KCNC1: variants seen among roughly 807,000 people sequenced by gnomAD.
KCNC1 encodes potassium voltage-gated channel subfamily C member 1.
In KCNC1, 8 loss-of-function variants were observed where a neutral mutation model predicts 43.4. The observed-to-expected ratio is 0.18, with a 90% CI of 0.11 to 0.33. The LOEUF is 0.33. Among genes scored for constraint, KCNC1 ranks in the 10% least tolerant of loss-of-function variants. The pLI, the probability that KCNC1 is intolerant of heterozygous loss-of-function variation, is 1.00. For synonymous variants in KCNC1, 361 were observed against 360.5 expected, an observed-to-expected ratio of 1.00 and a Z score of -0.01; for missense variants, 420 against 836.0, an observed-to-expected ratio of 0.50 and a Z score of 6.14.
chr11:17,743,782 CT>C (rs1458460973), intron 1 of KCNC1, among the ~76,000 whole-genome samples: 1 of 152,232 alleles, frequency 6.6e-6, no homozygotes, highest in East Asian at 1.9e-4. Context: ...TTTTGGTCAT[CT>C]ATTCCCCTCA....
chr11:17,778,962 G>GAAGCC (rs1017284291), intron 2 of KCNC1, among the ~76,000 whole-genome samples: 5 of 152,020 alleles, frequency 3.3e-5, no homozygotes, highest in African/African-American at 1.2e-4. Flanking sequence ...TGGAGCTAGG[G>GAAGCC]AAGCCCGAGC....
intron 1 of KCNC1, among the ~76,000 whole-genome samples, chr11:17,768,712 AGT>A (rs942692914): frequency 6.6e-6 from 1 of 151,596 alleles, no homozygotes; most frequent in Non-Finnish European, 1.5e-5. Flanking sequence ...CCAAGTGTGC[AGT>A]GGGCCCTGCC....
Position 17,776,007 on chromosome 11 carries a change from T to C in KCNC1, c.1504+3409T>C. On this transcript the variant is annotated intron_variant, in intron 2 of 3. Coordinates refer to ENST00000265969, the MANE Select transcript of KCNC1 (RefSeq NM_001112741.2). This position sits in a 1 kb window ranked among gnomAD's most constrained non-coding sequence, Gnocchi z 4.4. ...GAGGGGGGAGGGAGCTGGGCAGCGC[T>C]GACTAGGCGGCGGGTGGGGCTAAGA... 1.0e-6 allele frequency: 1 copy of C among 985,198 alleles called. No homozygotes were observed. Among genetic ancestry groups the C allele is most frequent in the South Asian group, 4.7e-5 (1 of 21,276 alleles). 61.0% of individuals were successfully genotyped at this position (985,198 alleles called of 1,614,324 possible).
In KCNC1 at chr11:17,777,523, C is replaced by A; in HGVS notation, c.1505-1933C>A. ...AGCCCGGAGACCCTTGGATGGAAGACTGGGCCAGCCAGAGTGGGAGGCAGG... is the reference window on the plus strand; with the variant it reads ...AGCCCGGAGACCCTTGGATGGAAGAATGGGCCAGCCAGAGTGGGAGGCAGG... On this transcript the variant is annotated intron_variant, in intron 2 of 3. Coordinates refer to ENST00000265969, the MANE Select transcript of KCNC1 (RefSeq NM_001112741.2). This position sits in a 1 kb window ranked among gnomAD's most constrained non-coding sequence, Gnocchi z 4.3. The A allele has an allele frequency of 2.0e-6, 2 of 985,998 alleles. No individual in the cohort carries two copies. Among genetic ancestry groups the A allele is most frequent in the Non-Finnish European group, 2.4e-6 (2 of 830,026 alleles). 61.1% of individuals were successfully genotyped at this position (985,998 alleles called of 1,614,324 possible).
At position 17,744,781 on chromosome 11, in the gene KCNC1, A is replaced by G. The variant is rs187861862; in HGVS notation, c.570+8209A>G. Reference sequence around the variant, plus strand: ...GGTAGGGGTGTTTGCGATGGCTGCTATGGGGGATGGAGGGGTGGCTGCTGG... The same window carrying G: ...GGTAGGGGTGTTTGCGATGGCTGCTGTGGGGGATGGAGGGGTGGCTGCTGG... On this transcript the variant is annotated intron_variant, in intron 1 of 3. Coordinates refer to ENST00000265969, the MANE Select transcript of KCNC1 (RefSeq NM_001112741.2). 2.7e-3 allele frequency among the ~76,000 whole-genome samples: 406 copies of G among 151,932 alleles called. 4 individuals are homozygous for G. The highest frequency in any genetic ancestry group is 9.2e-3 in the African/African-American group (382 of 41,424).
rs1213179564 is a variant in KCNC1, at chr11:17,779,250, T to C, written c.1505-206T>C. 1 of 527,072 alleles carries C rather than the reference T, an allele frequency of 1.9e-6. No homozygotes were observed. The highest frequency in any genetic ancestry group is 1.9e-5 in the African/African-American group (1 of 52,040). The allele number at this position is 527,072 out of a possible 1,614,324, so 32.6% of individuals were successfully genotyped here. On this transcript the variant is annotated intron_variant, in intron 2 of 3. Coordinates refer to ENST00000265969, the MANE Select transcript of KCNC1 (RefSeq NM_001112741.2). The surrounding 1 kb of genome is among the most constrained non-coding windows in gnomAD (Gnocchi z 7.2). ...CCAGGAGTCCCCACTCCCAGCACTGTGGGCAGCCCGAAGGCTGCCTGAATG... is the reference window on the plus strand; with the variant it reads ...CCAGGAGTCCCCACTCCCAGCACTGCGGGCAGCCCGAAGGCTGCCTGAATG...
At chr11:17,743,002 T>C (rs1195081172) in intron 1 of KCNC1, among the ~76,000 whole-genome samples, 2 of 152,214 alleles carry the variant, frequency 1.3e-5, no homozygotes, top group African/African-American at 4.8e-5. Flanking sequence ...CAACCCAGAC[T>C]TGACCCAAAT....
intron 1 of KCNC1, among the ~76,000 whole-genome samples, chr11:17,765,234 C>T (rs559268685): frequency 1.4e-4 from 21 of 152,354 alleles, no homozygotes; most frequent in African/African-American, 3.6e-4. Context: ...TTACAGTCAT[C>T]GCCTTGTTCC....
intron 1 of KCNC1, among the ~76,000 whole-genome samples, chr11:17,754,078 G>A (rs1386533144): frequency 2.6e-5 from 4 of 152,224 alleles, no homozygotes; most frequent in Non-Finnish European, 5.9e-5. Context: ...GGGGATTCAG[G>A]CCTTTGTTCA....
At chr11:17,755,585 G>A (rs1347296370) in intron 1 of KCNC1, among the ~76,000 whole-genome samples, 1 of 152,064 alleles carries the variant, frequency 6.6e-6, no homozygotes, top group Non-Finnish European at 1.5e-5. Context: ...AATGTGAGAT[G>A]TGACAGAAAG....
At position 17,776,793 on chromosome 11, in the gene KCNC1, A is replaced by G. The variant is rs1849293463; in HGVS notation, c.1505-2663A>G. The G allele has an allele frequency of 3.9e-5, 38 of 985,230 alleles. No individual in the cohort carries two copies. Among genetic ancestry groups the G allele is most frequent in the Non-Finnish European group, 4.3e-5 (36 of 829,996 alleles). 61.0% of individuals were successfully genotyped at this position (985,230 alleles called of 1,614,324 possible). On this transcript the variant is annotated intron_variant, in intron 2 of 3. Transcript: ENST00000265969. This position sits in a 1 kb window ranked among gnomAD's most constrained non-coding sequence, Gnocchi z 4.4. ...CTATTCATGGGTTCCCCAGATTTATACAGTTGGCCCCTCGTTGGTTTCTCT... is the reference window on the plus strand; with the variant it reads ...CTATTCATGGGTTCCCCAGATTTATGCAGTTGGCCCCTCGTTGGTTTCTCT...
chr11:17,777,330 A>G lies in KCNC1; in HGVS notation c.1505-2126A>G, dbSNP rs754944290. ...CCCTGGCAGAGGATGGCCAACAGAGACTCAGCAAGTCCTCACTCCCCTCCC... is the reference window on the plus strand; with the variant it reads ...CCCTGGCAGAGGATGGCCAACAGAGGCTCAGCAAGTCCTCACTCCCCTCCC... On this transcript the variant is annotated intron_variant, in intron 2 of 3. Transcript: ENST00000265969. The surrounding 1 kb of genome is among the most constrained non-coding windows in gnomAD (Gnocchi z 4.3). 1.0e-5 allele frequency: 10 copies of G among 985,574 alleles called. No homozygotes were observed. The highest frequency in any genetic ancestry group is 1.2e-5 in the Non-Finnish European group (10 of 829,942). 61.1% of individuals were successfully genotyped at this position (985,574 alleles called of 1,614,324 possible). A position where few individuals can be genotyped will look rare whatever the true frequency, so the allele number is the denominator to read the frequency against.
At chr11:17,775,281 T>TTGCC in intron 2 of KCNC1, 1 of 935,744 alleles carries the variant, frequency 1.1e-6, no homozygotes, top group Non-Finnish European at 1.3e-6. Flanking sequence ...TCTGAGGGCA[T>TTGCC]CCCTCCCGCC....
intron 1 of KCNC1, among the ~76,000 whole-genome samples, chr11:17,768,799 C>T (rs1321029152): frequency 1.3e-5 from 2 of 152,122 alleles, no homozygotes; most frequent in Non-Finnish European, 1.5e-5. Flanking sequence ...GGGGGTGCAG[C>T]TGGGGGGCCT....
intron 1 of KCNC1, among the ~76,000 whole-genome samples, chr11:17,749,743 C>T (rs1037004078): frequency 6.6e-6 from 1 of 152,342 alleles, no homozygotes; most frequent in Middle Eastern, 3.4e-3. Flanking sequence ...AGGGTCAGTC[C>T]TATGCAGTGA....
At chr11:17,762,579 C>T (rs771551991) in intron 1 of KCNC1, among the ~76,000 whole-genome samples, 1 of 152,202 alleles carries the variant, frequency 6.6e-6, no homozygotes, top group Non-Finnish European at 1.5e-5. Flanking sequence ...CGTTTCTGCT[C>T]CAGCCACTAC....
At chr11:17,745,044 G>C (rs1387327943) in intron 1 of KCNC1, among the ~76,000 whole-genome samples, 4 of 152,068 alleles carry the variant, frequency 2.6e-5, no homozygotes, top group African/African-American at 4.8e-5. Flanking sequence ...TTTGTTAGAC[G>C]TGAAGCCTTT....
At chr11:17,774,274 C>T (rs548139978) in intron 2 of KCNC1, 30 of 985,506 alleles carry the variant, frequency 3.0e-5, no homozygotes, top group East Asian at 2.3e-4. Context: ...CTAGGAGGAA[C>T]GCGTGGGCTG....
intron 1 of KCNC1, among the ~76,000 whole-genome samples, chr11:17,754,667 AGTTGGAGT>A (rs146692239): frequency 0.11 from 17,057 of 152,180 alleles, 1,182 homozygotes; most frequent in Non-Finnish European, 0.16. Flanking sequence ...TTCCCCTACT[AGTTGGAGT>A]GTTTGGCTGG....
Sources: gnomAD v4.1 joint callset for allele counts (sites outside exome capture counted in the v4.1 genomes callset) on GRCh38, gnomAD v4.1.1 for gene constraint, Gnocchi (gnomAD v3.1) non-coding constraint, MANE v1.5 for transcripts, NCBI Gene and HGNC (gene_info 2026-07-23, HGNC 2026-07-21) for gene names.